The following SDK1 variants were observed in gnomAD, a reference collection of about 807,000 sequenced individuals.
SDK1 encodes the protein sidekick cell adhesion molecule 1, also known as protein sidekick-1.
Under a neutral mutation model 245.5 loss-of-function variants are expected in SDK1, and 157 were observed. The observed-to-expected ratio is 0.64, with a 90% confidence interval of 0.56 to 0.73. The LOEUF is 0.73. SDK1 is among the 30% of genes least tolerant of loss of function. The pLI is 0.00. For missense variants in SDK1, 3,583 were observed against 3,002.3 expected (o/e 1.19, Z -4.52); for synonymous variants, 1,647 against 1,278.5 (o/e 1.29, Z -6.15).
chr7:3,801,582 A>C (rs1463921732), intron 4 of SDK1, among the ~76,000 whole-genome samples: 1 of 152,144 alleles, frequency 6.6e-6, no homozygotes, highest in East Asian at 1.9e-4. Context: ...AGGTTTGACG[A>C]AAACAGGAAG....
intron 17 of SDK1, among the ~76,000 whole-genome samples, chr7:4,018,951 A>G (rs1786651762): frequency 6.6e-6 from 1 of 152,154 alleles, no homozygotes; most frequent in Non-Finnish European, 1.5e-5. Flanking sequence ...ATGAGAAGAG[A>G]TAGGGATGTA....
chr7:3,453,635 C>G (rs1360577007), intron 1 of SDK1, among the ~76,000 whole-genome samples: 1 of 152,186 alleles, frequency 6.6e-6, no homozygotes, highest in Non-Finnish European at 1.5e-5. Flanking sequence ...GCAGATTTCC[C>G]CTTAGAGCCT....
chr7:3,754,560 T>G (rs1032773172), intron 4 of SDK1, among the ~76,000 whole-genome samples: 1 of 152,178 alleles, frequency 6.6e-6, no homozygotes, highest in African/African-American at 2.4e-5. Flanking sequence ...CTTTCCTCAG[T>G]ATCCCCTGTT....
chr7:3,785,495 T>C (rs1780872954), intron 4 of SDK1, among the ~76,000 whole-genome samples: 1 of 152,192 alleles, frequency 6.6e-6, no homozygotes, highest in African/African-American at 2.4e-5. Context: ...AATTAAAAAG[T>C]ATTTTCAAAG....
chr7:3,650,174 C>T (rs918239982), intron 4 of SDK1, among the ~76,000 whole-genome samples: 4 of 152,158 alleles, frequency 2.6e-5, no homozygotes, highest in Non-Finnish European at 4.4e-5. Context: ...TTTGGCCTCC[C>T]AGAGCGCTGG....
In SDK1 at chr7:3,605,656, G is replaced by A. The variant is rs187100911; in HGVS notation, c.299-13424G>A. ...TTTTTTCCAGAGTAATTTTCACTAT[G>A]TCTGATTACATAATTAGATTTGGGA... On this transcript the variant is annotated intron_variant, in intron 1 of 44. Coordinates refer to ENST00000404826, the MANE Select transcript of SDK1 (RefSeq NM_152744.4). 2.9e-3 allele frequency among the ~76,000 whole-genome samples: 437 copies of A among 151,968 alleles called. 3 individuals are homozygous for A. Among genetic ancestry groups the A allele is most frequent in the South Asian group, 0.017 (84 of 4,810 alleles).
At chr7:3,580,217 C>G (rs140777053) in intron 1 of SDK1, among the ~76,000 whole-genome samples, 157 of 152,164 alleles carry the variant, frequency 1.0e-3, no homozygotes, top group African/African-American at 3.7e-3. Context: ...GCCATAATAC[C>G]CAAAGCAGTA....
intron 4 of SDK1, among the ~76,000 whole-genome samples, chr7:3,820,779 C>T (rs1779625210): frequency 6.6e-6 from 1 of 152,178 alleles, no homozygotes; most frequent in Non-Finnish European, 1.5e-5. Context: ...TTAAACGAGT[C>T]TCAGAGATGC....
At chr7:3,679,712 C>G (rs944931762) in intron 4 of SDK1, among the ~76,000 whole-genome samples, 2 of 152,190 alleles carry the variant, frequency 1.3e-5, no homozygotes, top group African/African-American at 2.4e-5. Flanking sequence ...ATTTCACTTC[C>G]TACCTATCAG....
intron 1 of SDK1, among the ~76,000 whole-genome samples, chr7:3,606,202 A>G (rs1781419751): frequency 6.6e-6 from 1 of 152,090 alleles, no homozygotes; most frequent in Non-Finnish European, 1.5e-5. Context: ...CTGGCCAGAA[A>G]TTTTGGTATC....
chr7:4,104,469 C>G (rs898316503), intron 22 of SDK1, among the ~76,000 whole-genome samples: 2 of 152,306 alleles, frequency 1.3e-5, no homozygotes, highest in African/African-American at 4.8e-5. Context: ...TGGATGCTAC[C>G]TCATAGAAGA....
At chr7:3,661,088 T>C (rs1238317913) in intron 4 of SDK1, among the ~76,000 whole-genome samples, 2 of 152,202 alleles carry the variant, frequency 1.3e-5, no homozygotes, top group Non-Finnish European at 2.9e-5. Flanking sequence ...TCATTGAGAA[T>C]CCGTTATTGC....
chr7:3,498,522 A>G (rs1319870993), intron 1 of SDK1, among the ~76,000 whole-genome samples: 1 of 152,138 alleles, frequency 6.6e-6, no homozygotes, highest in African/African-American at 2.4e-5. Context: ...ATTGTGGGTA[A>G]TAAAGATTTA....
rs189883465 is a variant in SDK1 at position 4,109,976 on chromosome 7, A to C, written c.3325-687A>C. ...GAGAGGAAGAAGCTGGGGAACTTGG[A>C]GGGCACCCTGCAGGCATCGCCAGCA... On this transcript the variant is annotated intron_variant, in intron 22 of 44. Transcript: ENST00000404826. Among the ~76,000 whole-genome samples the C allele has an allele frequency of 3.0e-3, 459 of 152,252 alleles. 3 individuals carry two copies. Among genetic ancestry groups the C allele is most frequent in the African/African-American group, 0.011 (441 of 41,540 alleles).
chr7:3,494,659 T>C (rs778498320), intron 1 of SDK1, among the ~76,000 whole-genome samples: 16 of 152,226 alleles, frequency 1.1e-4, no homozygotes, highest in South Asian at 2.1e-4. Flanking sequence ...CCAACAATTA[T>C]GTTTTATATA....
intron 22 of SDK1, among the ~76,000 whole-genome samples, chr7:4,096,238 G>A (rs111899598): frequency 4.6e-5 from 7 of 152,294 alleles, no homozygotes; most frequent in African/African-American, 7.2e-5. Context: ...CCAGCATTCC[G>A]TCTGGAACCA....
chr7:4,025,816 C>T (rs920712714), intron 17 of SDK1, among the ~76,000 whole-genome samples: 1 of 152,320 alleles, frequency 6.6e-6, no homozygotes, highest in African/African-American at 2.4e-5. Flanking sequence ...CTTGCTGTCT[C>T]GAAGTCTCGG....
chr7:4,150,615 C>G (rs2128208458), intron 30 of SDK1, among the ~76,000 whole-genome samples: 1 of 152,350 alleles, frequency 6.6e-6, no homozygotes, highest in African/African-American at 2.4e-5. Flanking sequence ...GGCTGCCCGT[C>G]TCAGCCCTTC....
At chr7:3,304,769 T>C (rs10807838) in intron 1 of SDK1, among the ~76,000 whole-genome samples, 87,171 of 152,038 alleles carry the variant, frequency 0.57, 25,207 homozygotes, top group African/African-American at 0.64. Context: ...TCCAGACACC[T>C]GCTGACTTCC....
Sources: gnomAD v4.1 joint callset for allele counts (sites outside exome capture counted in the v4.1 genomes callset) on GRCh38, gnomAD v4.1.1 for gene constraint, MANE v1.5 for transcripts, NCBI Gene and HGNC (gene_info 2026-07-23, HGNC 2026-07-21) for gene names.